TUSC3: variants seen among roughly 807,000 people sequenced by gnomAD.
TUSC3 encodes the protein tumor suppressor candidate 3, also known as dolichyl-diphosphooligosaccharide--protein glycosyltransferase subunit TUSC3.
TUSC3 carries 45 observed loss-of-function variants against 44.8 expected under a neutral mutation model. That is an observed-to-expected ratio of 1.00 (90% CI 0.79 to 1.29). TUSC3 has a LOEUF of 1.29. Ranked by LOEUF, TUSC3 falls within the 50% of genes most tolerant of loss-of-function variation. TUSC3 has a pLI of 0.00. For missense variants in TUSC3, 519 were observed against 437.9 expected (o/e 1.19, Z -1.65); for synonymous variants, 212 against 152.9 (o/e 1.39, Z -2.85).
the TUSC3 span, among the ~76,000 whole-genome samples, chr8:15,812,448 A>G: frequency 6.6e-6 from 1 of 152,348 alleles, no homozygotes; most frequent in East Asian, 1.9e-4. Context: ...CTGTGAAGGA[A>G]ATAGTCTCAG....
intron 2 of TUSC3, among the ~76,000 whole-genome samples, chr8:15,508,660 A>G (rs1211349101): frequency 1.3e-5 from 2 of 151,800 alleles, no homozygotes; most frequent in African/African-American, 4.8e-5. Context: ...ACCAGGTTTC[A>G]CCGTGTTAGC....
chr8:15,847,628 T>C, the TUSC3 span, among the ~76,000 whole-genome samples: 1 of 152,216 alleles, frequency 6.6e-6, no homozygotes, highest in Non-Finnish European at 1.5e-5. Context: ...AGCTCTTGTT[T>C]GGAAAGCTAA....
At chr8:15,690,875 C>T (rs549400097) in intron 6 of TUSC3, among the ~76,000 whole-genome samples, 62 of 151,780 alleles carry the variant, frequency 4.1e-4, no homozygotes, top group African/African-American at 1.5e-3. Context: ...ATATTTGTAC[C>T]GGTACAATGG....
intron 5 of TUSC3, among the ~76,000 whole-genome samples, chr8:15,672,955 A>C (rs1808013717): frequency 6.6e-6 from 1 of 152,120 alleles, no homozygotes; most frequent in Non-Finnish European, 1.5e-5. Context: ...GATAGCAGGA[A>C]GTACAGGTAC....
At chr8:15,747,097 G>A (rs1195688790) in intron 8 of TUSC3, among the ~76,000 whole-genome samples, 2 of 151,970 alleles carry the variant, frequency 1.3e-5, no homozygotes, top group South Asian at 2.1e-4. Context: ...AGATATTCCT[G>A]TAGAGTTGCA....
chr8:15,773,091 C>A, the TUSC3 span, among the ~76,000 whole-genome samples: 1 of 152,218 alleles, frequency 6.6e-6, no homozygotes, highest in South Asian at 2.1e-4. Flanking sequence ...AGAATGCCTA[C>A]TTTCGCCACC....
chr8:15,552,899 T>C (rs1585094147), intron 1 of TUSC3, among the ~76,000 whole-genome samples: 1 of 151,536 alleles, frequency 6.6e-6, no homozygotes, highest in Non-Finnish European at 1.5e-5. Context: ...AAGTGAGAGG[T>C]AATGATGACT....
chr8:15,601,559 CAG>C (rs1461714826), intron 1 of TUSC3, among the ~76,000 whole-genome samples: 2 of 151,652 alleles, frequency 1.3e-5, no homozygotes, highest in Non-Finnish European at 3.0e-5. Context: ...CACAGCTGAT[CAG>C]GGGTAGAAAC....
chr8:15,839,318 A>C, the TUSC3 span, among the ~76,000 whole-genome samples: 1 of 152,060 alleles, frequency 6.6e-6, no homozygotes, highest in Non-Finnish European at 1.5e-5. Flanking sequence ...GGACAATTTG[A>C]CTTCCTCTTT....
chr8:15,543,883 TAGA>T (rs1801774411), intron 1 of TUSC3, among the ~76,000 whole-genome samples: 1 of 151,138 alleles, frequency 6.6e-6, no homozygotes, highest in African/African-American at 2.4e-5. Context: ...TTTGGTATCA[TAGA>T]AGACTTGGTG....
At chr8:15,639,279 G>A (rs753789414) in intron 2 of TUSC3, among the ~76,000 whole-genome samples, 6 of 152,006 alleles carry the variant, frequency 3.9e-5, no homozygotes, top group Non-Finnish European at 8.8e-5. Flanking sequence ...ATCACATGAT[G>A]TTCAGAGCTT....
At chr8:15,600,848 G>A (rs1804257182) in intron 1 of TUSC3, among the ~76,000 whole-genome samples, 1 of 151,700 alleles carries the variant, frequency 6.6e-6, no homozygotes, top group South Asian at 2.1e-4. Context: ...TTGGTTAAAT[G>A]TGCTATCAGT....
chr8:15,536,279 G>T (rs376375158), upstream of TUSC3, among the ~76,000 whole-genome samples: 9 of 152,312 alleles, frequency 5.9e-5, no homozygotes, highest in East Asian at 1.4e-3. Context: ...AGAAGGTAAT[G>T]TAAAGTCCTG....
chr8:15,447,650 A>G (rs935378054), intron 1 of TUSC3, among the ~76,000 whole-genome samples: 3 of 151,276 alleles, frequency 2.0e-5, no homozygotes, highest in Admixed American at 2.0e-4. Context: ...TTTCAGAACT[A>G]TAGGCTAATG....
At position 15,726,619 on chromosome 8, in the gene TUSC3, A is replaced by G. The variant is rs572357738; in HGVS notation, c.799-4047A>G. ...TCAGGAGTTTGAGACCAGCCTGGCC[A>G]ACGTGGTGAAACCCTATCTCTACTA... is the stretch of plus-strand genomic sequence containing the variant. On this transcript the variant is annotated intron_variant, in intron 6 of 10. Transcript: ENST00000503731. Among the ~76,000 whole-genome samples the G allele has an allele frequency of 2.4e-3, 368 of 152,270 alleles. 2 individuals carry two copies. Among genetic ancestry groups the G allele is most frequent in the African/African-American group, 8.5e-3 (354 of 41,560 alleles).
At chr8:15,728,441 T>C (rs1810587574) in intron 6 of TUSC3, among the ~76,000 whole-genome samples, 1 of 148,510 alleles carries the variant, frequency 6.7e-6, no homozygotes, top group South Asian at 2.2e-4. Context: ...TTCTGAATGA[T>C]TGGATGTGTG....
At chr8:15,449,669 T>C (rs1284839098) in intron 1 of TUSC3, among the ~76,000 whole-genome samples, 1 of 152,198 alleles carries the variant, frequency 6.6e-6, no homozygotes, top group Admixed American at 6.5e-5. Flanking sequence ...GCCTCCACCT[T>C]TTCTCTGGTG....
At chr8:15,685,922 G>A (rs908914414) in intron 6 of TUSC3, among the ~76,000 whole-genome samples, 1 of 80,470 alleles carries the variant, frequency 1.2e-5, no homozygotes. Flanking sequence ...TATTAATTGT[G>A]AAATCAAACA....
chr8:15,577,221 C>G (rs1405264481), intron 1 of TUSC3, among the ~76,000 whole-genome samples: 1 of 151,006 alleles, frequency 6.6e-6, no homozygotes, highest in East Asian at 1.9e-4. Flanking sequence ...AGCCCTTTGT[C>G]AGATGAGTAG....
Sources: gnomAD v4.1 joint callset for allele counts (sites outside exome capture counted in the v4.1 genomes callset) on GRCh38, gnomAD v4.1.1 for gene constraint, MANE v1.5 for transcripts, NCBI Gene and HGNC (gene_info 2026-07-23, HGNC 2026-07-21) for gene names.